Variants in PRDM15 observed in about 807,000 individuals in gnomAD.
The protein encoded by PRDM15 is PR domain zinc finger protein 15.
PRDM15 carries 64 observed loss-of-function variants against 128.6 expected under a neutral mutation model. The ratio of observed to expected loss-of-function variants is 0.50; its 90% CI spans 0.41 to 0.61. The LOEUF (loss-of-function observed/expected upper bound fraction) is 0.61, where lower values mean the gene tolerates loss of function less well. Ranked by LOEUF, PRDM15 falls within the 20% of genes least tolerant of loss-of-function variation. PRDM15 has a pLI of 0.00. For missense variants in PRDM15, 1,242 were observed against 1,569.1 expected (o/e 0.79, Z 3.52); for synonymous variants, 615 against 621.8 (o/e 0.99, Z 0.16).
chr21:41,849,546 C>T (rs969459871), intron 5 of PRDM15, among the ~76,000 whole-genome samples: 2 of 148,164 alleles, frequency 1.3e-5, no homozygotes, highest in African/African-American at 2.5e-5. Context: ...CCAGCCTGGG[C>T]GACAGACTGA....
chr21:41,874,525 A>ATATATTTTTTT, intron 1 of PRDM15, among the ~76,000 whole-genome samples: 73 of 95,800 alleles, frequency 7.6e-4, no homozygotes, highest in African/African-American at 1.2e-3. Context: ...ATATATATAT[A>ATATATTTTTTT]TTTTTTTTTT....
intron 1 of PRDM15, chr21:41,871,501 T>C (rs571065932): frequency 1.6e-5 from 25 of 1,599,948 alleles, no homozygotes; most frequent in Admixed American, 6.7e-5. Flanking sequence ...CACCAGGAGG[T>C]AGGGCAGGAT....
In PRDM15 at chr21:41,815,862, C is replaced by A. The variant is rs758903676; in HGVS notation, c.2261-26G>T. The A allele has an allele frequency of 1.9e-6, 3 of 1,609,356 alleles. No homozygotes were observed. In the South Asian group the frequency reaches 3.3e-5, roughly 18 times the overall value. On this transcript the variant is annotated intron_variant, in intron 18 of 23. Coordinates refer to ENST00000398548, the MANE Select transcript of PRDM15 (RefSeq NM_001040424.3). Reference sequence around the variant, plus strand: ...CTTCAAGGACACAGCGAGTCAGAGGCGGCCACACCCCCACGCAGCCCACCT... The same window carrying A: ...CTTCAAGGACACAGCGAGTCAGAGGAGGCCACACCCCCACGCAGCCCACCT...
chr21:41,810,025 G>T lies in PRDM15; in HGVS notation c.2652+129C>A. ...GTGGCAGGCAGTGCCAGTCACAGAC[G>T]CACCTAAGACTCAGGGCCTGCCTCC... On this transcript the variant is annotated intron_variant, in intron 21 of 23. Coordinates refer to ENST00000398548, the MANE Select transcript of PRDM15 (RefSeq NM_001040424.3). The surrounding 1 kb of genome is among the most constrained non-coding windows in gnomAD (Gnocchi z 6.4). 1 of 875,216 alleles carries T rather than the reference G, an allele frequency of 1.1e-6. No individual in the cohort carries two copies. The highest frequency in any genetic ancestry group is 1.7e-6 in the Non-Finnish European group (1 of 581,010). 54.2% of individuals were successfully genotyped at this position (875,216 alleles called of 1,614,324 possible).
At chr21:41,825,281 G>C (rs886652370) in intron 13 of PRDM15, among the ~76,000 whole-genome samples, 2 of 152,274 alleles carry the variant, frequency 1.3e-5, no homozygotes, top group Non-Finnish European at 2.9e-5. Flanking sequence ...ACAGCTGTGA[G>C]GACCACGGCA....
At chr21:41,846,479 G>A (rs990343842) in intron 6 of PRDM15, among the ~76,000 whole-genome samples, 10 of 152,236 alleles carry the variant, frequency 6.6e-5, no homozygotes, top group African/African-American at 2.2e-4. Context: ...CGAGGCAGAC[G>A]GACCGCTTGA....
chr21:41,858,805 C>T (rs2063719427), intron 3 of PRDM15, among the ~76,000 whole-genome samples: 1 of 151,962 alleles, frequency 6.6e-6, no homozygotes, highest in African/African-American at 2.4e-5. Context: ...TACTTTAGGC[C>T]AAAACATTAA....
chr21:41,802,099 C>G (rs2061431735), intron 23 of PRDM15, among the ~76,000 whole-genome samples: 1 of 152,136 alleles, frequency 6.6e-6, no homozygotes, highest in Non-Finnish European at 1.5e-5. Context: ...TTTGCAGTAC[C>G]AATCGCTAAT....
chr21:41,810,826 A>G lies in PRDM15; in HGVS notation c.2403T>C (p.Asp801=). The G allele has an allele frequency of 6.2e-7, 1 of 1,614,088 alleles. No individual in the cohort carries two copies. The highest frequency in any genetic ancestry group is 1.3e-5 in the African/African-American group (1 of 75,042). Residue 801 remains aspartate (D), a synonymous_variant, in exon 20 of 24, where the codon GAT becomes GAC. Coordinates refer to ENST00000398548, the MANE Select transcript of PRDM15 (RefSeq NM_001040424.3). This position sits in a 1 kb window ranked among gnomAD's most constrained non-coding sequence, Gnocchi z 6.4. ...TCTTCCCACACAATTCACACATGAA[A>G]TCTTTAATCCCTGCAGAGAAAGGCG... ...KHCKRHTGIK[D]FMCELCGKTF...
Position 41,879,048 on chromosome 21 carries a change from G to C in PRDM15, c.-10+222C>G. 1 of 1,126,572 alleles carries C rather than the reference G, an allele frequency of 8.9e-7. No individual in the cohort carries two copies. The highest frequency in any genetic ancestry group is 1.1e-6 in the Non-Finnish European group (1 of 895,960). The allele number at this position is 1,126,572 out of a possible 1,614,324, so 69.8% of individuals were successfully genotyped here. On this transcript the variant is annotated intron_variant, in intron 1 of 23. Transcript: ENST00000398548. This position sits in a 1 kb window ranked among gnomAD's most constrained non-coding sequence, Gnocchi z 5.1. ...TCCCGGAGCGGCTCCGGGAAATCCA[G>C]CCGGGTTTTGACTCCGATCGCCAAC...
At chr21:41,815,920 C>A in intron 18 of PRDM15, 84 bp from the exon 19 acceptor site, 1 of 1,566,912 alleles carries the variant, frequency 6.4e-7, no homozygotes, top group Non-Finnish European at 8.7e-7. Flanking sequence ...GGGGCAGGCA[C>A]AGGCAGCGGC....
At chr21:41,834,566 TAG>T (rs780284266) in intron 11 of PRDM15, 2 of 1,548,870 alleles carry the variant, frequency 1.3e-6, no homozygotes, top group East Asian at 4.9e-5. Flanking sequence ...CTATGAGTCC[TAG>T]AGAGAGGGGG....
rs778548183 is a variant in PRDM15, at chr21:41,854,541, C to T, written c.538+25G>A. 6.2e-7 allele frequency: 1 copy of T among 1,610,078 alleles called. No individual in the cohort carries two copies. Among genetic ancestry groups the T allele is most frequent in the Non-Finnish European group, 8.5e-7 (1 of 1,179,840 alleles). On this transcript the variant is annotated intron_variant, in intron 5 of 23. Coordinates refer to ENST00000398548, the MANE Select transcript of PRDM15 (RefSeq NM_001040424.3). This position sits in a 1 kb window ranked among gnomAD's most constrained non-coding sequence, Gnocchi z 4.6. The stretch of plus-strand genomic sequence containing the variant: ...TCGGCGAGGCACAAGGGAAGGTGGG[C>T]TCCGGATCGGGGGCCGCCACATACC...
At chr21:41,877,999 G>A (rs570253448) in intron 1 of PRDM15, among the ~76,000 whole-genome samples, 2 of 152,384 alleles carry the variant, frequency 1.3e-5, no homozygotes, top group Admixed American at 1.3e-4. Context: ...CGTGGAACAC[G>A]TGAAAATGTC....
At chr21:41,802,536 G>A (rs905078595) in intron 23 of PRDM15, among the ~76,000 whole-genome samples, 176 bp downstream of exon 23, 1 of 152,240 alleles carries the variant, frequency 6.6e-6, no homozygotes, top group Non-Finnish European at 1.5e-5. Flanking sequence ...TCAGAACTCA[G>A]AAATGCTTAC....
chr21:41,818,158 T>A lies in PRDM15; in HGVS notation c.2260+1424A>T, dbSNP rs180746229. Among the ~76,000 whole-genome samples, 3 of 152,136 alleles carry A rather than the reference T, an allele frequency of 2.0e-5. No individual in the cohort carries two copies. The East Asian group carries it at 5.8e-4, about 29-fold the overall frequency. On this transcript the variant is annotated intron_variant, in intron 18 of 23. Transcript: ENST00000398548. ...TTAAACATTTTACTTCTTGGGGGCA[T>A]TGGGGAGGAAAGGGGAGGAGCAGGT... is the stretch of plus-strand genomic sequence containing the variant.
At position 41,835,377 on chromosome 21, in the gene PRDM15, C is replaced by T. The variant is rs1015380393; in HGVS notation, c.1366+60G>A. On this transcript the variant is annotated intron_variant, in intron 11 of 23. Transcript: ENST00000398548. ...TTGGCCTAAAGTTCCACGGTCTCCG[C>T]GGCGTATCTAGAATCCGTACCGCAC... 1.8e-5 allele frequency: 25 copies of T among 1,366,562 alleles called. No homozygotes were observed. The Admixed American group carries it at 2.5e-4, about 14-fold the overall frequency. 84.7% of individuals were successfully genotyped at this position (1,366,562 alleles called of 1,614,324 possible).
At chr21:41,873,067 G>T (rs1240936570) in intron 1 of PRDM15, among the ~76,000 whole-genome samples, 1 of 152,120 alleles carries the variant, frequency 6.6e-6, no homozygotes, top group African/African-American at 2.4e-5. Context: ...ATGGACCAGG[G>T]GTTCCACTGT....
Position 41,815,707 on chromosome 21 carries a change from G to A in PRDM15, c.2390C>T (p.Thr797Met), listed in dbSNP as rs775233819. 9.9e-6 allele frequency: 16 copies of A among 1,613,116 alleles called. No homozygotes were observed. The highest frequency in any genetic ancestry group is 1.3e-5 in the African/African-American group (1 of 74,948). ...VNMLKHCKRH[T>M]GIKDFMCELC... is the part of the protein sequence containing the mutation. ...CGCGGCCCGGGCCTCGGACTCACCC[G>A]TGTGCCGCTTGCAGTGCTTGAGCAT... Residue 797 changes from threonine to methionine, a missense_variant and splice_region_variant, in exon 19 of 24, where the codon ACG becomes ATG. Physicochemically the swap from Thr to Met is moderately conservative, Grantham distance 81. This residue lies in a region of PRDM15 where 602 missense variants were observed against 788.3 expected (regional missense o/e 0.76). Coordinates refer to ENST00000398548, the MANE Select transcript of PRDM15 (RefSeq NM_001040424.3).
Sources: gnomAD v4.1 joint callset for allele counts (sites outside exome capture counted in the v4.1 genomes callset) on GRCh38, gnomAD v4.1.1 for gene constraint, gnomAD v4.1.1 regional missense constraint, Gnocchi (gnomAD v3.1) non-coding constraint, MANE v1.5 for transcripts, NCBI Gene and HGNC (gene_info 2026-07-23, HGNC 2026-07-21) for gene names.